The following TAC4 variants were observed in gnomAD, a reference collection of about 807,000 sequenced individuals.
TAC4 encodes the protein tachykinin precursor 4, also known as tachykinin-4.
A neutral mutation model predicts 17.7 loss-of-function variants in TAC4; 17 were observed. The observed-to-expected ratio is 0.96, with a 90% confidence interval of 0.66 to 1.44. TAC4 has a LOEUF of 1.44. TAC4 is among the 40% of genes most tolerant of loss of function. The pLI is 0.00. For synonymous variants in TAC4, 62 were observed against 52.4 expected, an observed-to-expected ratio of 1.18 and a Z score of -0.79; for missense variants, 118 against 125.6, an observed-to-expected ratio of 0.94 and a Z score of 0.29.
intron 1 of TAC4, chr17:49,846,225 C>T (rs1308638855): frequency 7.0e-6 from 9 of 1,288,988 alleles, no homozygotes; most frequent in African/African-American, 1.5e-5. Flanking sequence ...GTTGGGGGAG[C>T]CCCGAGAGCA....
Position 49,838,615 on chromosome 17 carries a change from C to T in TAC4, c.*27G>A, listed in dbSNP as rs988868063. 1.2e-6 allele frequency: 2 copies of T among 1,613,576 alleles called. No homozygotes were observed. Among genetic ancestry groups the T allele is most frequent in the Non-Finnish European group, 1.7e-6 (2 of 1,179,792 alleles). On this transcript the variant is annotated 3_prime_UTR_variant, in exon 5 of 5. Transcript: ENST00000436235. ...CAGGTAGGAAGAAGCGGCACCGTGT[C>T]CTCTGGGAAGTCTGTGGTGGGGGCT... is the stretch of plus-strand genomic sequence containing the variant.
intron 1 of TAC4, among the ~76,000 whole-genome samples, chr17:49,844,421 C>A (rs1567875293): frequency 6.6e-6 from 1 of 152,012 alleles, no homozygotes; most frequent in South Asian, 2.1e-4. Flanking sequence ...ACCCTAAGTA[C>A]TGTTACTGTC....
intron 4 of TAC4, 55 bp from the exon 5 acceptor site, chr17:49,838,728 T>G: frequency 6.3e-7 from 1 of 1,590,902 alleles, no homozygotes; most frequent in South Asian, 1.1e-5. Flanking sequence ...GTCTGGCTCC[T>G]CCACCCTTAG....
At chr17:49,841,469 C>T in intron 3 of TAC4, 83 bp downstream of exon 3, 1 of 1,428,558 alleles carries the variant, frequency 7.0e-7, no homozygotes, top group Non-Finnish European at 9.4e-7. Flanking sequence ...AGCATCTCCC[C>T]TCACCCACCT....
At chr17:49,839,979 G>C (rs779876365) in intron 3 of TAC4, 70 bp from the exon 4 acceptor site, 204 of 1,504,544 alleles carry the variant, frequency 1.4e-4, no homozygotes, top group Middle Eastern at 3.4e-4. Context: ...AACCAGGGAA[G>C]GACAAAGGAC....
intron 2 of TAC4, 100 bp from the exon 3 acceptor site, chr17:49,841,684 G>C: frequency 1.6e-6 from 2 of 1,250,010 alleles, no homozygotes; most frequent in Non-Finnish European, 2.2e-6. Flanking sequence ...TGGTGCATTG[G>C]TGGGTCTTCA....
intron 3 of TAC4, among the ~76,000 whole-genome samples, chr17:49,841,122 G>A (rs951420092): frequency 2.0e-5 from 3 of 151,832 alleles, no homozygotes; most frequent in Non-Finnish European, 4.4e-5. Flanking sequence ...CTGACCTCAA[G>A]TGATCTGGCT....
chr17:49,842,242 T>A (rs1252208285), intron 2 of TAC4, among the ~76,000 whole-genome samples: 2 of 151,880 alleles, frequency 1.3e-5, no homozygotes, highest in Admixed American at 6.6e-5. Flanking sequence ...AAAAGAAGTT[T>A]GAAATGGGCC....
chr17:49,845,587 C>T (rs1178304605), intron 1 of TAC4, among the ~76,000 whole-genome samples: 1 of 152,166 alleles, frequency 6.6e-6, no homozygotes, highest in Non-Finnish European at 1.5e-5. Flanking sequence ...AGGGAGGGGG[C>T]TGGGGAGTCC....
chr17:49,846,123 G>T, intron 1 of TAC4: 1 of 998,520 alleles, frequency 1.0e-6, no homozygotes, highest in Non-Finnish European at 1.4e-6. Context: ...CGGAGACATT[G>T]GTTTCCCATT....
rs955555458 is a variant in TAC4 at position 49,846,844 on chromosome 17, A to G, written c.105+1069T>C. On this transcript the variant is annotated intron_variant, in intron 1 of 4. Coordinates refer to ENST00000436235, the MANE Select transcript of TAC4 (RefSeq NM_001077506.2). Reference sequence around the variant, plus strand: ...CCAGCAAGGCTTCTGTCTCTAGACCAGGTACCCTGATGTTTGGCACTGACT... The same window carrying G: ...CCAGCAAGGCTTCTGTCTCTAGACCGGGTACCCTGATGTTTGGCACTGACT... 3.7e-6 allele frequency: 3 copies of G among 803,140 alleles called. No homozygotes were observed. In the African/African-American group the frequency reaches 5.4e-5, roughly 15 times the overall value. The allele number at this position is 803,140 out of a possible 1,614,324, so 49.8% of individuals were successfully genotyped here. A position where few individuals can be genotyped will look rare whatever the true frequency, so the allele number is the denominator to read the frequency against.
Position 49,838,511 on chromosome 17 carries a change from G to T in TAC4, c.*131C>A. The T allele has an allele frequency of 9.1e-7, 1 of 1,102,566 alleles. No individual in the cohort carries two copies. The highest frequency in any genetic ancestry group is 1.4e-6 in the Non-Finnish European group (1 of 730,304). 68.3% of individuals were successfully genotyped at this position (1,102,566 alleles called of 1,614,324 possible). A position where few individuals can be genotyped will look rare whatever the true frequency, so the allele number is the denominator to read the frequency against. ...AAGAAGCCCAGTGGGTTCAGTGTGGGCCTTGTGTGAAGTGCCAGCGATGAG... is the reference window on the plus strand; with the variant it reads ...AAGAAGCCCAGTGGGTTCAGTGTGGTCCTTGTGTGAAGTGCCAGCGATGAG... On this transcript the variant is annotated 3_prime_UTR_variant, in exon 5 of 5. Coordinates refer to ENST00000436235, the MANE Select transcript of TAC4 (RefSeq NM_001077506.2).
chr17:49,841,414 C>T, intron 3 of TAC4, 138 bp downstream of exon 3: 3 of 843,630 alleles, frequency 3.6e-6, no homozygotes. Flanking sequence ...ACCACACTGG[C>T]CCCACCTCTG....
intron 3 of TAC4, among the ~76,000 whole-genome samples, chr17:49,841,039 C>T (rs1002921416): frequency 2.0e-5 from 3 of 151,148 alleles, no homozygotes; most frequent in East Asian, 2.0e-4. Flanking sequence ...GCCACTACAC[C>T]GGGCTAATGT....
At chr17:49,846,098 T>G in intron 1 of TAC4, 1 of 707,702 alleles carries the variant, frequency 1.4e-6, no homozygotes, top group Non-Finnish European at 2.0e-6. Flanking sequence ...TTTCTGTGCC[T>G]GGTGGGGGGG....
At chr17:49,847,320 A>G (rs1402465093) in intron 1 of TAC4, 1 of 1,208,952 alleles carries the variant, frequency 8.3e-7, no homozygotes, top group Admixed American at 2.5e-5. Flanking sequence ...TTGCCTCCCC[A>G]ATCAGATTGT....
At chr17:49,842,296 T>C (rs192534898) in intron 2 of TAC4, among the ~76,000 whole-genome samples, 25 of 151,986 alleles carry the variant, frequency 1.6e-4, no homozygotes, top group Non-Finnish European at 3.4e-4. Context: ...TTTGGGAGTC[T>C]GAGGTGGGCG....
At chr17:49,841,128 T>G (rs548791074) in intron 3 of TAC4, among the ~76,000 whole-genome samples, 1 of 151,948 alleles carries the variant, frequency 6.6e-6, no homozygotes, top group African/African-American at 2.4e-5. Context: ...TCAAGTGATC[T>G]GGCTGCCTTG....
At chr17:49,847,452 A>G in intron 1 of TAC4, 1 of 405,964 alleles carries the variant, frequency 2.5e-6, no homozygotes, top group Non-Finnish European at 4.4e-6. Context: ...ATGCACAGAT[A>G]CACAGAATCA....
Sources: gnomAD v4.1 joint callset for allele counts (sites outside exome capture counted in the v4.1 genomes callset) on GRCh38, gnomAD v4.1.1 for gene constraint, MANE v1.5 for transcripts, NCBI Gene and HGNC (gene_info 2026-07-23, HGNC 2026-07-21) for gene names.